NT5DC3: variants seen among roughly 807,000 people sequenced by gnomAD.
NT5DC3 encodes 5'-nucleotidase domain containing 3.
A neutral mutation model predicts 67.8 loss-of-function variants in NT5DC3; 42 were observed. That is an observed-to-expected ratio of 0.62 (90% CI 0.48 to 0.80). The LOEUF is 0.80. Ranked by LOEUF, NT5DC3 falls within the 30% of genes least tolerant of loss-of-function variation. NT5DC3 has a pLI of 0.00. For missense variants in NT5DC3, 570 were observed against 696.4 expected, an observed-to-expected ratio of 0.82 and a Z score of 2.04; for synonymous variants, 237 against 255.6, an observed-to-expected ratio of 0.93 and a Z score of 0.69.
chr12:103,752,279 C>T, the NT5DC3 span, among the ~76,000 whole-genome samples: 1 of 152,152 alleles, frequency 6.6e-6, no homozygotes, highest in Admixed American at 6.5e-5. Context: ...AATAAAGAGA[C>T]AAGGAACACT....
chr12:103,799,259 T>C (rs904937933), intron 4 of NT5DC3, among the ~76,000 whole-genome samples: 4 of 152,198 alleles, frequency 2.6e-5, no homozygotes, highest in African/African-American at 9.7e-5. Flanking sequence ...TAGCCTGAGA[T>C]AGGGGCTGAC....
At chr12:103,766,823 C>CCTT (rs1214193119), downstream of NT5DC3, 1 of 155,294 alleles carries the variant, frequency 6.4e-6, no homozygotes, top group African/African-American at 2.4e-5. Flanking sequence ...CAGACACCAG[C>CCTT]CTTATAAATT....
the NT5DC3 span, chr12:103,763,586 A>T: frequency 3.7e-6 from 6 of 1,613,968 alleles, no homozygotes; most frequent in African/African-American, 8.0e-5. Flanking sequence ...GCTCCCCCAG[A>T]ACCTTCCTAC....
intron 1 of NT5DC3, among the ~76,000 whole-genome samples, chr12:103,832,124 GAGTTC>G (rs1307985816): frequency 6.6e-6 from 1 of 151,920 alleles, no homozygotes; most frequent in African/African-American, 2.4e-5. Context: ...CAGTTTCTCA[GAGTTC>G]AGTTATGACT....
chr12:103,823,738 G>A (rs144835916), intron 1 of NT5DC3, among the ~76,000 whole-genome samples: 1 of 152,268 alleles, frequency 6.6e-6, no homozygotes, highest in Admixed American at 6.5e-5. Context: ...CCTATGGATT[G>A]GAAATGTGAA....
chr12:103,761,082 C>G, the NT5DC3 span, among the ~76,000 whole-genome samples: 1 of 152,152 alleles, frequency 6.6e-6, no homozygotes, highest in Non-Finnish European at 1.5e-5. Context: ...ACAAATGACC[C>G]ATAAGGTTCT....
rs1397606766 is a variant in NT5DC3, at chr12:103,774,648, C to T, written c.*3181G>A. 1.4e-5 allele frequency: 2 copies of T among 144,566 alleles called. No homozygotes were observed. The highest frequency in any genetic ancestry group is 5.2e-5 in the African/African-American group (2 of 38,332). 9.0% of individuals were successfully genotyped at this position (144,566 alleles called of 1,614,324 possible). On this transcript the variant is annotated 3_prime_UTR_variant, in exon 14 of 14. Transcript: ENST00000392876. ...GGAGTGAGCCAAGATCGTGCCATTG[C>T]ACTCCGGCCTGGGCAAAAAGAGCAA...
intron 4 of NT5DC3, among the ~76,000 whole-genome samples, chr12:103,803,863 C>T (rs1476679609): frequency 7.9e-6 from 1 of 125,998 alleles, no homozygotes; most frequent in East Asian, 7.8e-4. Flanking sequence ...ATTACCACCC[C>T]CCCCCCAAAA....
At chr12:103,746,425 C>A in the NT5DC3 span, 1 of 616,624 alleles carries the variant, frequency 1.6e-6, no homozygotes, top group Non-Finnish European at 3.0e-6. Flanking sequence ...ATTCTAGAAT[C>A]CCAGAATCTC....
chr12:103,821,065 A>G (rs933708002), intron 1 of NT5DC3, among the ~76,000 whole-genome samples: 2 of 152,208 alleles, frequency 1.3e-5, no homozygotes, highest in Non-Finnish European at 2.9e-5. Context: ...TGTCACTTCT[A>G]GAGCTGGGCA....
Position 103,788,813 on chromosome 12 carries a change from A to C in NT5DC3, c.1101+25T>G, listed in dbSNP as rs771610292. ...TACCGACCACAAAGCAAAGCAACAA[A>C]AAGGATCAGCTGGTCATGAGATACC... On this transcript the variant is annotated intron_variant, in intron 10 of 13. Transcript: ENST00000392876. The C allele has an allele frequency of 9.3e-6, 14 of 1,513,288 alleles. No homozygotes were observed. The African/African-American group carries it at 1.4e-4, about 15-fold the overall frequency. The allele number at this position is 1,513,288 out of a possible 1,614,324, so 93.7% of individuals were successfully genotyped here.
chr12:103,752,386 C>T, the NT5DC3 span, among the ~76,000 whole-genome samples: 6 of 152,184 alleles, frequency 3.9e-5, no homozygotes, highest in South Asian at 4.1e-4. Context: ...TATGTTCAAA[C>T]GAGAAAAACT....
At chr12:103,789,085 C>A in intron 9 of NT5DC3, 166 bp from the exon 10 acceptor site, 2 of 598,408 alleles carry the variant, frequency 3.3e-6, no homozygotes, top group Admixed American at 2.9e-5. Flanking sequence ...CAATGCGTCC[C>A]AAATTGTGTG....
chr12:103,777,900 C>T lies in NT5DC3; in HGVS notation c.1576G>A (p.Glu526Lys), dbSNP rs1222229376. The change falls in exon 14 of 14, where the codon GAA becomes AAA. Residue 526 changes from glutamate (E) to lysine (K), a missense_variant. Coordinates refer to ENST00000392876, the MANE Select transcript of NT5DC3 (RefSeq NM_001031701.3). The part of the protein sequence containing the change: ...FYPRRTPLQH[E>K]LPAWSERPPT... The stretch of plus-strand genomic sequence containing the variant: ...GGCCTTTCTGACCAGGCGGGCAGTT[C>T]GTGCTGCAGTGGAGTCCTCCGGGGG... The T allele has an allele frequency of 4.3e-6, 7 of 1,614,050 alleles. No homozygotes were observed. Among genetic ancestry groups the T allele is most frequent in the South Asian group, 1.1e-5 (1 of 91,086 alleles).
At chr12:103,763,500 G>A in the NT5DC3 span, 1 of 1,614,048 alleles carries the variant, frequency 6.2e-7, no homozygotes, top group Non-Finnish European at 8.5e-7. Context: ...AGTCGGAAGA[G>A]GACATTAATG....
At chr12:103,759,121 C>T in the NT5DC3 span, 2 of 1,614,118 alleles carry the variant, frequency 1.2e-6, no homozygotes, top group South Asian at 2.2e-5. Context: ...TGTGTTTCTC[C>T]TTTTTTCTCA....
chr12:103,834,040 C>T (rs1490104385), intron 1 of NT5DC3, among the ~76,000 whole-genome samples: 1 of 151,872 alleles, frequency 6.6e-6, no homozygotes, highest in Non-Finnish European at 1.5e-5. Context: ...GGGATATTGC[C>T]CTGTGCACTG....
In NT5DC3 at chr12:103,815,133, G is replaced by T. The variant is rs564554202; in HGVS notation, c.209-12C>A. On this transcript the variant is annotated splice_polypyrimidine_tract_variant and intron_variant, in intron 1 of 13. Transcript: ENST00000392876. Reference sequence around the variant, plus strand: ...GGAAGGAACCAATTCTGGAAATAAAGAAAAAAAATACATTATACTACATAA... The same window carrying T: ...GGAAGGAACCAATTCTGGAAATAAATAAAAAAAATACATTATACTACATAA... 6.4e-7 allele frequency: 1 copy of T among 1,553,646 alleles called. No homozygotes were observed. The highest frequency in any genetic ancestry group is 1.2e-5 in the South Asian group (1 of 84,166).
chr12:103,798,562 A>T (rs1886422360), intron 5 of NT5DC3, 25 bp downstream of exon 5: 1 of 1,536,552 alleles, frequency 6.5e-7, no homozygotes, highest in African/African-American at 1.4e-5. Flanking sequence ...AGGCTGCTTT[A>T]AATGAATAAA....
Sources: allele counts gnomAD v4.1 joint callset (sites outside exome capture counted in the v4.1 genomes callset), GRCh38; gene constraint gnomAD v4.1.1; transcripts MANE v1.5; gene names NCBI Gene and HGNC (gene_info 2026-07-23, HGNC 2026-07-21).